The following NKAIN3 variants were observed in gnomAD, a reference collection of about 807,000 sequenced individuals.
The protein encoded by NKAIN3 is sodium/potassium-transporting ATPase subunit beta-1-interacting protein 3.
Under a neutral mutation model 30.2 loss-of-function variants are expected in NKAIN3, and 25 were observed. That is an observed-to-expected ratio of 0.83 (90% CI 0.60 to 1.16). The LOEUF is 1.16. Ranked by LOEUF, NKAIN3 falls within the 50% of genes most tolerant of loss-of-function variation. The pLI, the probability that NKAIN3 is intolerant of heterozygous loss-of-function variation, is 0.00. For synonymous variants in NKAIN3, 91 were observed against 89.6 expected (o/e 1.02, Z -0.09); for missense variants, 225 against 254.1 (o/e 0.89, Z 0.78).
intron 3 of NKAIN3, among the ~76,000 whole-genome samples, chr8:62,693,477 A>G (rs1814048170): frequency 6.6e-6 from 1 of 152,234 alleles, no homozygotes; most frequent in Non-Finnish European, 1.5e-5. Context: ...TGGTCAGTGC[A>G]AAGGCTTAGC....
chr8:62,930,379 G>A (rs1181545399), intron 5 of NKAIN3, among the ~76,000 whole-genome samples: 2 of 151,872 alleles, frequency 1.3e-5, no homozygotes, highest in Admixed American at 6.6e-5. Context: ...TCAGCCTCCT[G>A]AGTAGCTGGG....
intron 1 of NKAIN3, among the ~76,000 whole-genome samples, chr8:62,389,940 G>A (rs779189377): frequency 3.3e-5 from 5 of 152,180 alleles, no homozygotes; most frequent in South Asian, 4.1e-4. Flanking sequence ...AACAGAGAGC[G>A]TACTTTGCCT....
intron 3 of NKAIN3, among the ~76,000 whole-genome samples, chr8:62,724,138 G>T (rs147688284): frequency 7.0e-4 from 107 of 152,082 alleles, no homozygotes; most frequent in African/African-American, 2.3e-3. Flanking sequence ...TTTTAAGCAC[G>T]GTTCATTTCC....
chr8:62,403,618 G>T (rs954757155), intron 1 of NKAIN3, among the ~76,000 whole-genome samples: 1 of 152,228 alleles, frequency 6.6e-6, no homozygotes, highest in Non-Finnish European at 1.5e-5. Flanking sequence ...TCCTGAGGGT[G>T]CACAGAAGAC....
At chr8:62,987,602 T>C (rs754301684), downstream of NKAIN3, among the ~76,000 whole-genome samples, 4 of 152,032 alleles carry the variant, frequency 2.6e-5, no homozygotes, top group Non-Finnish European at 5.9e-5. Flanking sequence ...ATGAGACTAA[T>C]TTACTATCAT....
intron 4 of NKAIN3, among the ~76,000 whole-genome samples, chr8:62,802,693 G>T (rs908946606): frequency 6.6e-6 from 1 of 152,162 alleles, no homozygotes; most frequent in Non-Finnish European, 1.5e-5. Context: ...AGGCTAGGAA[G>T]AAATTGCATC....
At chr8:62,728,785 T>C (rs369170359) in intron 3 of NKAIN3, among the ~76,000 whole-genome samples, 3 of 151,878 alleles carry the variant, frequency 2.0e-5, no homozygotes, top group South Asian at 2.1e-4. Context: ...GGTCAGGAGA[T>C]AGCGACCAGC....
chr8:62,534,304 T>G (rs1808580750), intron 1 of NKAIN3, among the ~76,000 whole-genome samples: 1 of 152,090 alleles, frequency 6.6e-6, no homozygotes, highest in Non-Finnish European at 1.5e-5. Context: ...CTAGGTTAAA[T>G]GAAACACCTG....
chr8:62,460,087 C>A (rs1041093662), intron 1 of NKAIN3, among the ~76,000 whole-genome samples: 5 of 152,020 alleles, frequency 3.3e-5, no homozygotes, highest in African/African-American at 1.2e-4. Flanking sequence ...GGAGTAAGGG[C>A]CTCTAAAAAT....
At chr8:62,560,832 C>T (rs571516930) in intron 1 of NKAIN3, among the ~76,000 whole-genome samples, 1 of 152,054 alleles carries the variant, frequency 6.6e-6, no homozygotes, top group Non-Finnish European at 1.5e-5. Context: ...TGAGCCATCA[C>T]GGAATCTTTT....
intron 4 of NKAIN3, among the ~76,000 whole-genome samples, chr8:62,866,906 T>C (rs1000850692): frequency 2.0e-5 from 1 of 49,632 alleles, no homozygotes; most frequent in Admixed American, 1.5e-4. Context: ...AAAAAAAAAA[T>C]TGGCCGGGCT....
intron 1 of NKAIN3, among the ~76,000 whole-genome samples, chr8:62,564,062 CA>C (rs1809669090): frequency 6.6e-6 from 1 of 152,182 alleles, no homozygotes; most frequent in Non-Finnish European, 1.5e-5. Context: ...CATAGGGATT[CA>C]AACACATTAG....
intron 1 of NKAIN3, among the ~76,000 whole-genome samples, chr8:62,428,942 T>C (rs1201465361): frequency 6.6e-6 from 1 of 151,990 alleles, no homozygotes; most frequent in African/African-American, 2.4e-5. Flanking sequence ...TGTTTTCTTC[T>C]AGTAGTTTCA....
intron 3 of NKAIN3, among the ~76,000 whole-genome samples, chr8:62,599,983 G>A (rs886110393): frequency 6.6e-6 from 1 of 151,948 alleles, no homozygotes; most frequent in East Asian, 1.9e-4. Flanking sequence ...AATTAAATAT[G>A]AAAACCCATC....
At chr8:62,881,239 A>G (rs1820971405) in intron 4 of NKAIN3, among the ~76,000 whole-genome samples, 1 of 152,190 alleles carries the variant, frequency 6.6e-6, no homozygotes, top group South Asian at 2.1e-4. Flanking sequence ...TTATAGTATC[A>G]TACAGAATAG....
At position 62,387,189 on chromosome 8, in the gene NKAIN3, A is replaced by G. The variant is rs79467041; in HGVS notation, c.54+138062A>G. ...AGTTTTTGTCCCATTAAAATCAGGG[A>G]ATCATCAACCACTGCTTAGTTTAAT... On this transcript the variant is annotated intron_variant, in intron 1 of 6. Coordinates refer to ENST00000623646, the MANE Select transcript of NKAIN3 (RefSeq NM_001304533.3). Among the ~76,000 whole-genome samples the G allele has an allele frequency of 7.0e-4, 106 of 152,166 alleles. No homozygotes were observed. The East Asian group carries it at 0.019, about 27-fold the overall frequency.
At chr8:62,618,551 A>G (rs1384959195) in intron 3 of NKAIN3, among the ~76,000 whole-genome samples, 1 of 150,098 alleles carries the variant, frequency 6.7e-6, no homozygotes, top group Non-Finnish European at 1.5e-5. Flanking sequence ...TTCTTTTCCC[A>G]TGTGTTTATT....
At chr8:62,534,860 G>GTTTTTTTTTTTTTTTTTTTTTTTT (rs145601852) in intron 1 of NKAIN3, among the ~76,000 whole-genome samples, 1 of 145,620 alleles carries the variant, frequency 6.9e-6, no homozygotes. Context: ...TGCATTTATT[G>GTTTTTTTTTTTTTTTTTTTTTTTT]GTTTTTTTTT....
chr8:62,949,377 C>G (rs986961566), intron 5 of NKAIN3, among the ~76,000 whole-genome samples: 1 of 152,170 alleles, frequency 6.6e-6, no homozygotes, highest in African/African-American at 2.4e-5. Flanking sequence ...AAGTAGAATA[C>G]AAGTCTGTAT....
Sources: allele counts gnomAD v4.1 joint callset (sites outside exome capture counted in the v4.1 genomes callset), GRCh38; gene constraint gnomAD v4.1.1; transcripts MANE v1.5; gene names NCBI Gene and HGNC (gene_info 2026-07-23, HGNC 2026-07-21).